The following CATSPERE variants were observed in gnomAD, a reference collection of about 807,000 sequenced individuals.
CATSPERE encodes the protein catsper channel auxiliary subunit epsilon, also known as cation channel sperm-associated auxiliary subunit epsilon.
A neutral mutation model predicts 114.1 loss-of-function variants in CATSPERE; 93 were observed. The observed-to-expected ratio is 0.81, with a 90% CI of 0.69 to 0.97. CATSPERE has a LOEUF of 0.97. Ranked by LOEUF, CATSPERE falls within the 50% of genes least tolerant of loss-of-function variation. The probability of loss-of-function intolerance (pLI) is 0.00; values close to 1 mark genes in which losing one functional copy is unlikely to be tolerated. For missense variants in CATSPERE, 1,058 were observed against 1,131.6 expected, an observed-to-expected ratio of 0.93 and a Z score of 0.93; for synonymous variants, 341 against 384.1, an observed-to-expected ratio of 0.89 and a Z score of 1.31.
Position 244,501,641 on chromosome 1 carries a change from CT to C in CATSPERE, c.429+2565del, listed in dbSNP as rs938403970. Among the ~76,000 whole-genome samples, 59 of 152,336 alleles carry C rather than the reference CT, an allele frequency of 3.9e-4. 1 individual carries two copies. The highest frequency in any genetic ancestry group is 1.3e-3 in the African/African-American group (56 of 41,576). Reference sequence around the variant, plus strand: ...AAAATAAATTAATGGTAATTAAACACTTTAAGTATGATATTGACTTAATTTC... The same window carrying C: ...AAAATAAATTAATGGTAATTAAACACTTAAGTATGATATTGACTTAATTTC... On this transcript the variant is annotated intron_variant, in intron 7 of 21. Transcript: ENST00000366534.
In CATSPERE at chr1:244,607,167, G is replaced by A. The variant is rs1341416311; in HGVS notation, c.2403+1373G>A. Among the ~76,000 whole-genome samples, 2 of 152,008 alleles carry A rather than the reference G, an allele frequency of 1.3e-5. No individual in the cohort carries two copies. Among genetic ancestry groups the A allele is most frequent in the African/African-American group, 4.8e-5 (2 of 41,370 alleles). On this transcript the variant is annotated intron_variant, in intron 18 of 21. Coordinates refer to ENST00000366534, the MANE Select transcript of CATSPERE (RefSeq NM_001130957.2). This position sits in a 1 kb window ranked among gnomAD's most constrained non-coding sequence, Gnocchi z 4.4. ...ACAACCCTTTCCCTACAGTTCTATC[G>A]AACCAAGAGTACTCTTTCTCTCACC...
intron 19 of CATSPERE, among the ~76,000 whole-genome samples, chr1:244,613,322 C>A (rs192576551): frequency 2.6e-4 from 39 of 152,224 alleles, no homozygotes; most frequent in African/African-American, 9.1e-4. Context: ...ACTTATTTTT[C>A]ATTAACCCAA....
In CATSPERE at chr1:244,633,165, T is replaced by G. The variant is rs1329564936; in HGVS notation, c.2649-2324T>G. Among the ~76,000 whole-genome samples, 1 of 152,158 alleles carries G rather than the reference T, an allele frequency of 6.6e-6. No individual in the cohort carries two copies. Among genetic ancestry groups the G allele is most frequent in the Admixed American group, 6.5e-5 (1 of 15,282 alleles). On this transcript the variant is annotated intron_variant, in intron 20 of 21. Transcript: ENST00000366534. The surrounding 1 kb of genome is among the most constrained non-coding windows in gnomAD (Gnocchi z 4.1). The stretch of plus-strand genomic sequence containing the variant: ...ACAGAGAAACAGACAAACCCCTAAT[T>G]GCAGTTGGAGATTTCAACATTCCTT...
chr1:244,619,428 C>T (rs1431853756), intron 20 of CATSPERE, among the ~76,000 whole-genome samples: 1 of 152,174 alleles, frequency 6.6e-6, no homozygotes, highest in African/African-American at 2.4e-5. Context: ...AGGTCCTAAA[C>T]ATGTTCTAAA....
intron 8 of CATSPERE, among the ~76,000 whole-genome samples, chr1:244,540,351 T>C (rs1337833577): frequency 3.6e-5 from 1 of 27,758 alleles, no homozygotes; most frequent in Non-Finnish European, 1.3e-4. Context: ...ACAAGCATTC[T>C]TATACACCAA....
chr1:244,592,238 A>G (rs78295389), intron 15 of CATSPERE, among the ~76,000 whole-genome samples: 5 of 152,314 alleles, frequency 3.3e-5, no homozygotes, highest in Non-Finnish European at 7.4e-5. Flanking sequence ...ACAAGACTGT[A>G]GTTCAGCTAG....
chr1:244,477,812 A>G, intron 3 of CATSPERE, 94 bp from the exon 4 acceptor site: 1 of 1,076,306 alleles, frequency 9.3e-7, no homozygotes, highest in Non-Finnish European at 1.4e-6. Context: ...TTATCAGCAT[A>G]CAATTGAAAT....
intron 7 of CATSPERE, among the ~76,000 whole-genome samples, chr1:244,513,545 G>A (rs1370904928): frequency 6.6e-6 from 1 of 152,204 alleles, no homozygotes; most frequent in African/African-American, 2.4e-5. Context: ...CTAGGCTTCT[G>A]AATGATGCAT....
intron 15 of CATSPERE, 60 bp from the exon 16 acceptor site, chr1:244,593,335 G>A: frequency 6.5e-7 from 1 of 1,547,778 alleles, no homozygotes; most frequent in Non-Finnish European, 8.9e-7. Context: ...ACAAAGTCAT[G>A]GGTTTAGTTT....
intron 19 of CATSPERE, among the ~76,000 whole-genome samples, chr1:244,615,246 A>T (rs2148703295): frequency 6.6e-6 from 1 of 151,968 alleles, no homozygotes; most frequent in African/African-American, 2.4e-5. Flanking sequence ...GACCAAAAAA[A>T]AAAAAAAAAA....
chr1:244,614,392 A>G (rs562204203), intron 19 of CATSPERE, among the ~76,000 whole-genome samples: 2 of 152,220 alleles, frequency 1.3e-5, no homozygotes, highest in Non-Finnish European at 2.9e-5. Context: ...CAGTGACTCT[A>G]ACTGAAGCCA....
chr1:244,543,922 T>C (rs2148469986), intron 8 of CATSPERE, among the ~76,000 whole-genome samples: 1 of 152,142 alleles, frequency 6.6e-6, no homozygotes, highest in South Asian at 2.1e-4. Flanking sequence ...ATGGCTCCTC[T>C]CTTAAATATT....
At chr1:244,459,749 T>G (rs1247794367), upstream of CATSPERE, among the ~76,000 whole-genome samples, 1 of 152,220 alleles carries the variant, frequency 6.6e-6, no homozygotes, top group Non-Finnish European at 1.5e-5. Flanking sequence ...CTCCTCAAAC[T>G]AGGACTCATT....
At chr1:244,563,725 A>T (rs975944178) in intron 10 of CATSPERE, among the ~76,000 whole-genome samples, 2 of 152,112 alleles carry the variant, frequency 1.3e-5, no homozygotes, top group East Asian at 3.9e-4. Flanking sequence ...CACTCTGATG[A>T]TAGTTTCTTT....
At chr1:244,470,979 G>T (rs998917312) in intron 2 of CATSPERE, among the ~76,000 whole-genome samples, 2 of 152,220 alleles carry the variant, frequency 1.3e-5, no homozygotes, top group Admixed American at 1.3e-4. Context: ...TATAGAGACA[G>T]AAAGTAAGTT....
Position 244,493,493 on chromosome 1 carries a change from A to C in CATSPERE, c.351+3022A>C, listed in dbSNP as rs564312964. ...TACATGTTAGACCTAAAACCATAAA[A>C]ACCCTAGAAGAAAACCTAGGCAATA... On this transcript the variant is annotated intron_variant, in intron 6 of 21. Transcript: ENST00000366534. 2.0e-5 allele frequency among the ~76,000 whole-genome samples: 3 copies of C among 152,358 alleles called. No homozygotes were observed. In the East Asian group the frequency reaches 5.8e-4, roughly 29 times the overall value.
intron 10 of CATSPERE, among the ~76,000 whole-genome samples, chr1:244,563,890 G>A (rs555537805): frequency 6.6e-6 from 1 of 152,110 alleles, no homozygotes; most frequent in Non-Finnish European, 1.5e-5. Flanking sequence ...GTGGTGTTAG[G>A]TCTTAAGTTT....
At chr1:244,490,296 T>G in intron 5 of CATSPERE, 151 bp from the exon 6 acceptor site, 1 of 520,278 alleles carries the variant, frequency 1.9e-6, no homozygotes, top group South Asian at 3.0e-5. Flanking sequence ...TGTGATTTTT[T>G]GTTTTTACAT....
rs985275856 is a variant in CATSPERE, at chr1:244,575,367, G to T, written c.1950+2595G>T. On this transcript the variant is annotated intron_variant, in intron 11 of 21. Transcript: ENST00000366534. This position sits in a 1 kb window ranked among gnomAD's most constrained non-coding sequence, Gnocchi z 4.5. ...TTCTTCCACGCAGAGCCAGGCTAGG[G>T]AGAGGGACCTACCTCTTGGCTGCCG... Among the ~76,000 whole-genome samples the T allele has an allele frequency of 4.6e-5, 7 of 152,220 alleles. No individual in the cohort carries two copies. The highest frequency in any genetic ancestry group is 8.8e-5 in the Non-Finnish European group (6 of 68,046).
Sources: allele counts gnomAD v4.1 joint callset (sites outside exome capture counted in the v4.1 genomes callset), GRCh38; gene constraint gnomAD v4.1.1; non-coding constraint Gnocchi (gnomAD v3.1); transcripts MANE v1.5; gene names NCBI Gene and HGNC (gene_info 2026-07-23, HGNC 2026-07-21).